KCNH1: variants seen among roughly 807,000 people sequenced by gnomAD.
KCNH1 encodes potassium voltage-gated channel subfamily H member 1.
KCNH1 carries 27 observed loss-of-function variants against 69.2 expected under a neutral mutation model. The ratio of observed to expected loss-of-function variants is 0.39; its 90% CI spans 0.29 to 0.54. The LOEUF (loss-of-function observed/expected upper bound fraction) is 0.54. KCNH1 is among the 20% of genes least tolerant of loss of function. The pLI is 0.68. For missense variants in KCNH1, 798 were observed against 1,261.6 expected (o/e 0.63, Z 5.57); for synonymous variants, 456 against 487.7 (o/e 0.93, Z 0.86).
chr1:210,779,356 A>G (rs756132156), intron 9 of KCNH1, among the ~76,000 whole-genome samples: 1 of 152,220 alleles, frequency 6.6e-6, no homozygotes, highest in Non-Finnish European at 1.5e-5. Context: ...CAAACTCAGG[A>G]CTATTCTGGC....
intron 6 of KCNH1, among the ~76,000 whole-genome samples, chr1:210,971,072 C>T (rs1022988719): frequency 6.6e-6 from 1 of 152,038 alleles, no homozygotes; most frequent in Non-Finnish European, 1.5e-5. Flanking sequence ...TAGAGAAATG[C>T]AAATCAAAAC....
At chr1:210,894,429 T>G (rs879805812) in intron 7 of KCNH1, among the ~76,000 whole-genome samples, 4 of 152,202 alleles carry the variant, frequency 2.6e-5, no homozygotes, top group Non-Finnish European at 5.9e-5. Flanking sequence ...CACTGTTTTT[T>G]AATAATCCTT....
chr1:210,727,831 G>GA (rs1035141607), intron 10 of KCNH1, among the ~76,000 whole-genome samples: 56 of 152,236 alleles, frequency 3.7e-4, no homozygotes, highest in African/African-American at 1.3e-3. Flanking sequence ...AGCTTTAAAA[G>GA]AAAAAACGCT....
intron 7 of KCNH1, 128 bp from the exon 8 acceptor site, chr1:210,804,294 C>A: frequency 1.4e-6 from 1 of 723,440 alleles, no homozygotes; most frequent in Non-Finnish European, 2.3e-6. Flanking sequence ...TGCAGACTGC[C>A]CTGACTATTC....
At chr1:210,960,463 T>C (rs1688272052) in intron 6 of KCNH1, among the ~76,000 whole-genome samples, 1 of 152,224 alleles carries the variant, frequency 6.6e-6, no homozygotes, top group African/African-American at 2.4e-5. Context: ...CACAATGTGC[T>C]TTCTGCCACT....
chr1:210,721,589 C>T (rs1037265061), intron 10 of KCNH1, among the ~76,000 whole-genome samples: 1 of 152,100 alleles, frequency 6.6e-6, no homozygotes, highest in Admixed American at 6.6e-5. Context: ...TAATTTTTCC[C>T]AGGCACAAGG....
intron 10 of KCNH1, among the ~76,000 whole-genome samples, chr1:210,774,669 G>A (rs899449267): frequency 2.6e-4 from 39 of 152,238 alleles, no homozygotes; most frequent in African/African-American, 7.7e-4. Flanking sequence ...AAGAAAATCC[G>A]TCATGAAAAC....
At chr1:210,788,440 C>A (rs1469272401) in intron 9 of KCNH1, among the ~76,000 whole-genome samples, 2 of 152,168 alleles carry the variant, frequency 1.3e-5, no homozygotes, top group Non-Finnish European at 2.9e-5. Context: ...ATGATTCAAC[C>A]AATCCCTCTG....
Position 210,735,429 on chromosome 1 carries a change from T to A in KCNH1, c.2112+39919A>T, listed in dbSNP as rs1443538419. On this transcript the variant is annotated intron_variant, in intron 10 of 10. Coordinates refer to ENST00000271751, the MANE Select transcript of KCNH1 (RefSeq NM_172362.3). ...GAGTGAATGAGTGAGTGAGTGTGTG[T>A]GTGTGTGTGTGTGTGTGTGTGTGTG... 7.1e-5 allele frequency among the ~76,000 whole-genome samples: 5 copies of A among 70,566 alleles called. No individual in the cohort carries two copies. The South Asian group carries it at 1.5e-3, about 21-fold the overall frequency. 46.3% of individuals were successfully genotyped at this position (70,566 alleles called of 152,430 possible). A position where few individuals can be genotyped will look rare whatever the true frequency, so the allele number is the denominator to read the frequency against.
At chr1:211,022,189 C>T (rs1689597814) in intron 5 of KCNH1, among the ~76,000 whole-genome samples, 1 of 152,036 alleles carries the variant, frequency 6.6e-6, no homozygotes, top group South Asian at 2.1e-4. Flanking sequence ...ACAATGAACT[C>T]ATTTTCAACA....
Position 210,919,701 on chromosome 1 carries a change from C to T in KCNH1, c.1401G>A (p.Gly467=), listed in dbSNP as rs765577054. 9 of 1,614,020 alleles carry T rather than the reference C, an allele frequency of 5.6e-6. No individual in the cohort carries two copies. The highest frequency in any genetic ancestry group is 5.3e-5 in the African/African-American group (4 of 74,910). The part of the protein sequence containing the change: ...TMTSLTSVGF[G]NIAPSTDIEK... The stretch of plus-strand genomic sequence containing the variant: ...CAATGTCTGTGGATGGGGCGATGTT[C>T]CCAAAGCCCACACTGGTGAGGCTGG... The change falls in exon 7 of 11, where the codon GGG becomes GGA. Residue 467 remains glycine, a synonymous_variant. Transcript: ENST00000271751. The surrounding 1 kb of genome is among the most constrained non-coding windows in gnomAD (Gnocchi z 4.2).
At chr1:210,988,527 T>C (rs550423124) in intron 6 of KCNH1, among the ~76,000 whole-genome samples, 2 of 152,340 alleles carry the variant, frequency 1.3e-5, no homozygotes, top group East Asian at 1.9e-4. Flanking sequence ...CAATAATACA[T>C]GCCATGTCTA....
At chr1:211,010,455 G>T (rs1237710862) in intron 6 of KCNH1, among the ~76,000 whole-genome samples, 1 of 152,132 alleles carries the variant, frequency 6.6e-6, no homozygotes, top group Admixed American at 6.5e-5. Flanking sequence ...AAGACTCTAG[G>T]ATTCTTTATC....
At chr1:210,955,879 T>C (rs1023335718) in intron 6 of KCNH1, among the ~76,000 whole-genome samples, 2 of 152,192 alleles carry the variant, frequency 1.3e-5, no homozygotes, top group Non-Finnish European at 2.9e-5. Context: ...CTTTTCCTAA[T>C]TGAATACCCT....
In KCNH1 at chr1:211,086,644, C is replaced by T. The variant is rs1228947114; in HGVS notation, c.440-3746G>A. 3.3e-5 allele frequency among the ~76,000 whole-genome samples: 5 copies of T among 152,248 alleles called. No homozygotes were observed. In the East Asian group the frequency reaches 5.8e-4, roughly 18 times the overall value. On this transcript the variant is annotated intron_variant, in intron 4 of 10. Transcript: ENST00000271751. ...TCCATTCTCAGGAATGGAGAAATGG[C>T]TTTTCCCCTGTCTTGACTCCACAAT...
At chr1:211,116,480 A>T (rs1691584896) in intron 1 of KCNH1, among the ~76,000 whole-genome samples, 1 of 152,198 alleles carries the variant, frequency 6.6e-6, no homozygotes, top group African/African-American at 2.4e-5. Context: ...TGCAGGCAAT[A>T]CTTACCTTTC....
intron 6 of KCNH1, among the ~76,000 whole-genome samples, chr1:210,987,095 A>T (rs917412490): frequency 6.6e-6 from 1 of 152,180 alleles, no homozygotes. Flanking sequence ...AGGCTTGTGC[A>T]TTCGTCACAT....
intron 5 of KCNH1, among the ~76,000 whole-genome samples, chr1:211,033,768 GT>G (rs1485159245): frequency 6.6e-6 from 1 of 151,986 alleles, no homozygotes; most frequent in Non-Finnish European, 1.5e-5. Flanking sequence ...CTGTTGTGGG[GT>G]GGGGGGAGTG....
rs751257897 is a variant in KCNH1, at chr1:210,797,688, G to T, written c.1735C>A (p.His579Asn). Residue 579 changes from histidine to asparagine, a missense_variant, in exon 9 of 11, where the codon CAC becomes AAC. Coordinates refer to ENST00000271751, the MANE Select transcript of KCNH1 (RefSeq NM_172362.3). Reference protein sequence around the residue: ...VHLNRKVFKEHPAFRLASDGC... With the variant: ...VHLNRKVFKENPAFRLASDGC... ...TCACTGGCCAGCCGGAAGGCCGGGT[G>T]CTCCTTGAACACCTTGCGGTTCAGG... The T allele has an allele frequency of 2.5e-6, 4 of 1,614,214 alleles. No individual in the cohort carries two copies. Among genetic ancestry groups the T allele is most frequent in the Non-Finnish European group, 3.4e-6 (4 of 1,180,038 alleles).
Sources: gnomAD v4.1 joint callset for allele counts (sites outside exome capture counted in the v4.1 genomes callset) on GRCh38, gnomAD v4.1.1 for gene constraint, Gnocchi (gnomAD v3.1) non-coding constraint, MANE v1.5 for transcripts, NCBI Gene and HGNC (gene_info 2026-07-23, HGNC 2026-07-21) for gene names.